The following SLC12A7 variants were observed in gnomAD, a reference collection of about 807,000 sequenced individuals.
The protein encoded by SLC12A7 is K-Cl cotransporter 4.
A neutral mutation model predicts 120.6 loss-of-function variants in SLC12A7; 100 were observed. The ratio of observed to expected loss-of-function variants is 0.83; its 90% CI spans 0.71 to 0.98. The LOEUF (loss-of-function observed/expected upper bound fraction) is 0.98. Ranked by LOEUF, SLC12A7 falls within the 50% of genes least tolerant of loss-of-function variation. SLC12A7 has a pLI of 0.00. For missense variants in SLC12A7, 1,373 were observed against 1,548.1 expected, an observed-to-expected ratio of 0.89 and a Z score of 1.90; for synonymous variants, 760 against 678.0, an observed-to-expected ratio of 1.12 and a Z score of -1.88.
chr5:1,091,606 A>G (rs1158000987), intron 3 of SLC12A7, among the ~76,000 whole-genome samples: 1 of 152,194 alleles, frequency 6.6e-6, no homozygotes, highest in Non-Finnish European at 1.5e-5. Flanking sequence ...AGTGCCCAGC[A>G]TGCGTGAAAC....
chr5:1,096,781 G>A (rs377123314), intron 1 of SLC12A7, among the ~76,000 whole-genome samples: 506 of 2,256 alleles, frequency 0.22, 98 homozygotes, highest in Non-Finnish European at 0.26. Context: ...GGGAGGGGGG[G>A]AGGGAGGGAA....
the SLC12A7 span, among the ~76,000 whole-genome samples, chr5:1,151,038 G>T: frequency 6.6e-6 from 1 of 152,230 alleles, no homozygotes; most frequent in Non-Finnish European, 1.5e-5. This position sits in a 1 kb window ranked among gnomAD's most constrained non-coding sequence, Gnocchi z 6.2. Context: ...GGGGAGGGCG[G>T]CCTTGGGAGC....
chr5:1,115,529 G>T (rs1180611656), upstream of SLC12A7, among the ~76,000 whole-genome samples: 1 of 152,204 alleles, frequency 6.6e-6, no homozygotes, highest in Non-Finnish European at 1.5e-5. Flanking sequence ...TCATCTCCTG[G>T]TGCGCCATCT....
chr5:1,067,785 C>T (rs1737212318), intron 17 of SLC12A7, among the ~76,000 whole-genome samples: 1 of 139,590 alleles, frequency 7.2e-6, no homozygotes, highest in Admixed American at 7.7e-5. Context: ...CTGGCAGGAA[C>T]TCAACACTGT....
At chr5:1,062,273 A>G (rs1053233525) in intron 20 of SLC12A7, among the ~76,000 whole-genome samples, 1 of 152,194 alleles carries the variant, frequency 6.6e-6, no homozygotes, top group Non-Finnish European at 1.5e-5. Flanking sequence ...CCCAGGCAGC[A>G]TTTTGTTACT....
At chr5:1,135,962 G>T in the SLC12A7 span, among the ~76,000 whole-genome samples, 1 of 152,192 alleles carries the variant, frequency 6.6e-6, no homozygotes, top group Non-Finnish European at 1.5e-5. Context: ...TGGCCTCGTC[G>T]GCCCTGCGGG....
intron 6 of SLC12A7, among the ~76,000 whole-genome samples, chr5:1,086,155 G>A (rs967679242): frequency 6.6e-6 from 1 of 152,196 alleles, no homozygotes; most frequent in African/African-American, 2.4e-5. Context: ...GGGTTGGGAC[G>A]GGTGTGGGTG....
chr5:1,069,592 A>G (rs1344966832), intron 17 of SLC12A7, among the ~76,000 whole-genome samples: 3 of 152,160 alleles, frequency 2.0e-5, no homozygotes, highest in African/African-American at 7.2e-5. Flanking sequence ...CATGAGGGGG[A>G]AGGAGGAGGC....
At chr5:1,077,186 G>A (rs996453206) in intron 12 of SLC12A7, among the ~76,000 whole-genome samples, 10 of 152,098 alleles carry the variant, frequency 6.6e-5, no homozygotes, top group East Asian at 1.9e-4. Context: ...TGAGGCCCAC[G>A]GGGCCTGTGT....
chr5:1,101,903 C>T (rs945657057), intron 1 of SLC12A7, among the ~76,000 whole-genome samples: 2 of 152,144 alleles, frequency 1.3e-5, no homozygotes, highest in South Asian at 2.1e-4. Context: ...CAAAGGCCTG[C>T]CCCTGCTCAC....
intron 22 of SLC12A7, 81 bp downstream of exon 22, chr5:1,057,390 T>C: frequency 2.1e-6 from 3 of 1,423,784 alleles, no homozygotes; most frequent in Non-Finnish European, 2.8e-6. Context: ...TCTTCAGTGG[T>C]CAGGGAAGGG....
intron 8 of SLC12A7, 75 bp from the exon 9 acceptor site, chr5:1,081,819 C>A: frequency 6.5e-7 from 1 of 1,530,782 alleles, no homozygotes; most frequent in East Asian, 2.3e-5. Flanking sequence ...CGCCCACTCC[C>A]CGGCAGGTGC....
In SLC12A7 at chr5:1,092,399, G is replaced by C. The variant is rs369568957; in HGVS notation, c.342+1134C>G. Among the ~76,000 whole-genome samples, 6 of 152,302 alleles carry C rather than the reference G, an allele frequency of 3.9e-5. No individual in the cohort carries two copies. In the East Asian group the frequency reaches 5.8e-4, roughly 15 times the overall value. On this transcript the variant is annotated intron_variant, in intron 3 of 23. Transcript: ENST00000264930. ...ACTTGGTGGAGGTCACACGCAGCAGGGGGGCCCACCCTCCCTGGACCTGGG... is the reference window on the plus strand; with the variant it reads ...ACTTGGTGGAGGTCACACGCAGCAGCGGGGCCCACCCTCCCTGGACCTGGG...
At chr5:1,056,761 C>G (rs932637157) in intron 22 of SLC12A7, among the ~76,000 whole-genome samples, 23 of 152,150 alleles carry the variant, frequency 1.5e-4, no homozygotes, top group African/African-American at 4.6e-4. Flanking sequence ...TGGCTCTGAC[C>G]CCGGGTGAGA....
At chr5:1,054,560 T>C (rs1735406864) in intron 22 of SLC12A7, among the ~76,000 whole-genome samples, 1 of 152,224 alleles carries the variant, frequency 6.6e-6, no homozygotes, top group African/African-American at 2.4e-5. Context: ...GGCCCGTGTG[T>C]GGACTTGAAA....
At chr5:1,093,891 T>C (rs967935829) in intron 2 of SLC12A7, among the ~76,000 whole-genome samples, 2 of 152,070 alleles carry the variant, frequency 1.3e-5, no homozygotes, top group Non-Finnish European at 2.9e-5. Context: ...TGTCCAGCAC[T>C]CAGCAGCTCA....
the SLC12A7 span, among the ~76,000 whole-genome samples, chr5:1,142,780 G>C: frequency 1.2e-4 from 12 of 99,640 alleles, no homozygotes; most frequent in East Asian, 1.9e-3. Flanking sequence ...TAGAATACCC[G>C]TGACCATCAG....
At chr5:1,135,010 C>T in the SLC12A7 span, among the ~76,000 whole-genome samples, 2 of 148,868 alleles carry the variant, frequency 1.3e-5, no homozygotes, top group Non-Finnish European at 3.0e-5. Context: ...GCCTGTAATC[C>T]CAGCTACTCG....
rs564573431 is a variant in SLC12A7 at position 1,084,782 on chromosome 5, C to T, written c.917+450G>A. 1.4e-4 allele frequency among the ~76,000 whole-genome samples: 22 copies of T among 152,266 alleles called. No homozygotes were observed. In the East Asian group the frequency reaches 3.7e-3, roughly 25 times the overall value. ...TTTCTGGACCTGCTCCCTGCGGGCT[C>T]TGGTGGCCACTCCCATGTTCCAGGA... On this transcript the variant is annotated intron_variant, in intron 7 of 23. Coordinates refer to ENST00000264930, the MANE Select transcript of SLC12A7 (RefSeq NM_006598.3).
Sources: allele counts gnomAD v4.1 joint callset (sites outside exome capture counted in the v4.1 genomes callset), GRCh38; gene constraint gnomAD v4.1.1; non-coding constraint Gnocchi (gnomAD v3.1); transcripts MANE v1.5; gene names NCBI Gene and HGNC (gene_info 2026-07-23, HGNC 2026-07-21).